Variants in SNTG1 observed in about 807,000 individuals in gnomAD.
SNTG1 encodes gamma-1-syntrophin.
Under a neutral mutation model 74.7 loss-of-function variants are expected in SNTG1, and 39 were observed. The observed-to-expected ratio is 0.52, with a 90% CI of 0.40 to 0.68. The LOEUF (loss-of-function observed/expected upper bound fraction) is 0.68, where lower values mean the gene tolerates loss of function less well. Ranked by LOEUF, SNTG1 falls within the 30% of genes least tolerant of loss-of-function variation. The pLI, the probability that SNTG1 is intolerant of heterozygous loss-of-function variation, is 0.00. For synonymous variants in SNTG1, 254 were observed against 217.1 expected, an observed-to-expected ratio of 1.17 and a Z score of -1.49; for missense variants, 685 against 609.5, an observed-to-expected ratio of 1.12 and a Z score of -1.30.
At chr8:50,185,840 TA>T (rs2083364287) in intron 2 of SNTG1, among the ~76,000 whole-genome samples, 2 of 151,694 alleles carry the variant, frequency 1.3e-5, no homozygotes, top group Non-Finnish European at 2.9e-5. Flanking sequence ...TATTTTTTTT[TA>T]ATTTTACTTT....
intron 13 of SNTG1, among the ~76,000 whole-genome samples, chr8:50,624,588 T>G (rs1210117389): frequency 6.6e-6 from 1 of 152,112 alleles, no homozygotes; most frequent in Non-Finnish European, 1.5e-5. Context: ...ATAATGGTTT[T>G]GATTTAAAGT....
intron 2 of SNTG1, among the ~76,000 whole-genome samples, chr8:50,292,213 C>A (rs1267673968): frequency 6.6e-6 from 1 of 152,036 alleles, no homozygotes; most frequent in African/African-American, 2.4e-5. Flanking sequence ...GGAAACAAGC[C>A]AGATGAGTAA....
chr8:50,544,238 G>C (rs1271547710), intron 11 of SNTG1, among the ~76,000 whole-genome samples: 1 of 151,918 alleles, frequency 6.6e-6, no homozygotes, highest in African/African-American at 2.4e-5. Context: ...AACTATTACA[G>C]TTTAACACAA....
intron 13 of SNTG1, among the ~76,000 whole-genome samples, chr8:50,649,684 T>C (rs1043369919): frequency 3.9e-5 from 6 of 152,214 alleles, no homozygotes; most frequent in African/African-American, 1.2e-4. Context: ...ATACTTTCTC[T>C]AAGTTGAATA....
intron 4 of SNTG1, among the ~76,000 whole-genome samples, chr8:50,434,197 T>C (rs1201792271): frequency 3.3e-5 from 5 of 152,170 alleles, no homozygotes; most frequent in African/African-American, 1.2e-4. Context: ...GCTTTATCCA[T>C]TTCCCTACAA....
rs1220535314 is a variant in SNTG1, at chr8:50,795,499, C to A, written c.*2670C>A. 1.3e-5 allele frequency: 2 copies of A among 151,954 alleles called. No homozygotes were observed. Among genetic ancestry groups the A allele is most frequent in the African/African-American group, 4.8e-5 (2 of 41,408 alleles). The allele number at this position is 151,954 out of a possible 1,614,324, so 9.4% of individuals were successfully genotyped here. Reference sequence around the variant, plus strand: ...AGTTTGTACATTAAGCACATTTTAACAGCAAAATGCTAATGTGTTAACCCC... The same window carrying A: ...AGTTTGTACATTAAGCACATTTTAAAAGCAAAATGCTAATGTGTTAACCCC... On this transcript the variant is annotated 3_prime_UTR_variant, in exon 19 of 19. Transcript: ENST00000642720.
intron 1 of SNTG1, among the ~76,000 whole-genome samples, chr8:50,070,389 A>G (rs1821264459): frequency 6.6e-6 from 1 of 152,220 alleles, no homozygotes; most frequent in South Asian, 2.1e-4. Context: ...GTGAAAACGT[A>G]TCATCCACTA....
chr8:50,572,780 T>A (rs1349619021), intron 12 of SNTG1, among the ~76,000 whole-genome samples: 1 of 152,160 alleles, frequency 6.6e-6, no homozygotes, highest in Non-Finnish European at 1.5e-5. Flanking sequence ...ATTTGTCAAG[T>A]GAATTTATTT....
chr8:50,720,149 G>A lies in SNTG1; in HGVS notation c.1284+11171G>A, dbSNP rs117430572. 9.1e-4 allele frequency among the ~76,000 whole-genome samples: 139 copies of A among 152,244 alleles called. 3 individuals carry two copies. In the East Asian group the frequency reaches 0.022, roughly 24 times the overall value. ...TCCATAATAACGACATTTCAAAAGT[G>A]TGTTCAACATTGAGCTTGCTGTCCA... On this transcript the variant is annotated intron_variant, in intron 17 of 18. Coordinates refer to ENST00000642720, the MANE Select transcript of SNTG1 (RefSeq NM_018967.5).
intron 1 of SNTG1, among the ~76,000 whole-genome samples, chr8:49,970,044 G>A (rs1022713568): frequency 2.0e-5 from 3 of 151,808 alleles, no homozygotes; most frequent in Non-Finnish European, 4.4e-5. Context: ...TACTTATTAA[G>A]GAAACAGTTA....
intron 1 of SNTG1, among the ~76,000 whole-genome samples, chr8:50,027,953 C>G (rs749859906): frequency 6.6e-6 from 1 of 152,168 alleles, no homozygotes; most frequent in Non-Finnish European, 1.5e-5. Flanking sequence ...ATACCCTTCA[C>G]CCAATTTTTC....
At chr8:50,639,701 A>G (rs1255802750) in intron 13 of SNTG1, among the ~76,000 whole-genome samples, 1 of 152,090 alleles carries the variant, frequency 6.6e-6, no homozygotes, top group African/African-American at 2.4e-5. Context: ...TATTTAAATA[A>G]TATATCAAGT....
intron 1 of SNTG1, among the ~76,000 whole-genome samples, chr8:49,950,114 G>A (rs903243129): frequency 2.0e-5 from 3 of 152,140 alleles, no homozygotes; most frequent in African/African-American, 7.2e-5. Flanking sequence ...GATACAGAGT[G>A]AGATGCTGCC....
intron 2 of SNTG1, among the ~76,000 whole-genome samples, chr8:50,212,528 T>C (rs901865518): frequency 1.3e-5 from 2 of 151,934 alleles, no homozygotes; most frequent in African/African-American, 2.4e-5. Flanking sequence ...AGATCCATGC[T>C]CTCCAAGAAT....
chr8:50,399,436 T>G (rs2092772353), intron 3 of SNTG1, among the ~76,000 whole-genome samples: 1 of 152,192 alleles, frequency 6.6e-6, no homozygotes, highest in Admixed American at 6.5e-5. Context: ...AGCTTTGTTT[T>G]AGCTCCTCAA....
At chr8:50,054,163 T>C (rs1210155004) in intron 1 of SNTG1, among the ~76,000 whole-genome samples, 1 of 152,106 alleles carries the variant, frequency 6.6e-6, no homozygotes, top group Non-Finnish European at 1.5e-5. Flanking sequence ...GATGAGTTGA[T>C]GATTATTATT....
At chr8:50,391,985 C>G (rs762510472) in intron 2 of SNTG1, among the ~76,000 whole-genome samples, 3 of 152,098 alleles carry the variant, frequency 2.0e-5, no homozygotes, top group Admixed American at 6.6e-5. Context: ...GTCTGAGAAA[C>G]AGTCACAGCC....
chr8:50,602,990 A>T (rs2094786343), intron 13 of SNTG1, among the ~76,000 whole-genome samples: 1 of 148,072 alleles, frequency 6.8e-6, no homozygotes. Context: ...ATGCCTTGAG[A>T]TTGTCTTCTT....
intron 1 of SNTG1, among the ~76,000 whole-genome samples, chr8:50,044,459 G>A (rs1818907705): frequency 6.6e-6 from 1 of 152,134 alleles, no homozygotes. Flanking sequence ...TGATATTAAT[G>A]TCTTCTAATG....
Sources: allele counts gnomAD v4.1 joint callset (sites outside exome capture counted in the v4.1 genomes callset), GRCh38; gene constraint gnomAD v4.1.1; transcripts MANE v1.5; gene names NCBI Gene and HGNC (gene_info 2026-07-23, HGNC 2026-07-21).